PCDHA5: variants seen among roughly 807,000 people sequenced by gnomAD.
The protein encoded by PCDHA5 is protocadherin alpha 5.
A neutral mutation model predicts 61.6 loss-of-function variants in PCDHA5; 43 were observed. The ratio of observed to expected loss-of-function variants is 0.70; its 90% CI spans 0.55 to 0.90. PCDHA5 has a LOEUF of 0.90. Among genes scored for constraint, PCDHA5 ranks in the 40% least tolerant of loss-of-function variants. The probability of loss-of-function intolerance (pLI) is 0.00; values close to 1 mark genes in which losing one functional copy is unlikely to be tolerated. For synonymous variants in PCDHA5, 627 were observed against 543.9 expected, an observed-to-expected ratio of 1.15 and a Z score of -2.13; for missense variants, 1,298 against 1,222.7, an observed-to-expected ratio of 1.06 and a Z score of -0.92.
At chr5:140,913,299 T>A (rs2076283233) in intron 1 of PCDHA5, among the ~76,000 whole-genome samples, 1 of 152,196 alleles carries the variant, frequency 6.6e-6, no homozygotes, top group South Asian at 2.1e-4. Context: ...AATTTCTTCA[T>A]AGATCAACCT....
intron 1 of PCDHA5, chr5:140,857,046 G>A: frequency 6.3e-7 from 1 of 1,595,842 alleles, no homozygotes; most frequent in African/African-American, 1.3e-5. Context: ...GTTGGTCACT[G>A]CACGGTCCTA....
At chr5:140,838,873 C>T (rs1006134585) in intron 1 of PCDHA5, among the ~76,000 whole-genome samples, 8 of 151,796 alleles carry the variant, frequency 5.3e-5, no homozygotes, top group Non-Finnish European at 1.0e-4. Context: ...AGTTATCATG[C>T]CACTGAACTC....
At chr5:140,877,002 G>A (rs374546473) in intron 1 of PCDHA5, 96 of 1,612,426 alleles carry the variant, frequency 6.0e-5, no homozygotes, top group Non-Finnish European at 8.0e-5. Flanking sequence ...ACGTGTCGGT[G>A]CACGCGGAGA....
chr5:141,011,228 A>T lies in PCDHA5; in HGVS notation c.*1291A>T, dbSNP rs2098419864. 1 of 153,664 alleles carries T rather than the reference A, an allele frequency of 6.5e-6. No homozygotes were observed. The highest frequency in any genetic ancestry group is 1.5e-5 in the Non-Finnish European group (1 of 68,016). 9.5% of individuals were successfully genotyped at this position (153,664 alleles called of 1,614,324 possible). On this transcript the variant is annotated 3_prime_UTR_variant, in exon 4 of 4. Coordinates refer to ENST00000529859, the MANE Select transcript of PCDHA5 (RefSeq NM_018908.3). The stretch of plus-strand genomic sequence containing the variant: ...CAGTGAGCAGATTTTTCAATCTACT[A>T]ATTCTGTGACTTGTCTTGGTGTGCT...
intron 1 of PCDHA5, chr5:140,837,285 A>T (rs944502999): frequency 6.6e-6 from 1 of 151,990 alleles, no homozygotes; most frequent in Admixed American, 6.6e-5. Flanking sequence ...CTTCTTTTTA[A>T]CTTACTTTGT....
chr5:140,858,032 G>A lies in PCDHA5; in HGVS notation c.2352+33905G>A. 6.3e-7 allele frequency: 1 copy of A among 1,597,242 alleles called. No homozygotes were observed. The highest frequency in any genetic ancestry group is 8.6e-7 in the Non-Finnish European group (1 of 1,167,272). The stretch of plus-strand genomic sequence containing the variant: ...TGGCGAGCCGTCGCTGACGGCCACG[G>A]CCACTGTGCTTGTGTCGCTTGTGGA... On this transcript the variant is annotated intron_variant, in intron 1 of 3. Transcript: ENST00000529859.
chr5:140,928,795 G>T, intron 1 of PCDHA5: 1 of 1,614,152 alleles, frequency 6.2e-7, no homozygotes, highest in South Asian at 1.1e-5. Flanking sequence ...GCAGAGGGTG[G>T]TGGTAGTGGT....
chr5:140,887,941 A>C (rs529131971), intron 1 of PCDHA5, among the ~76,000 whole-genome samples: 25 of 152,194 alleles, frequency 1.6e-4, no homozygotes, highest in Admixed American at 7.8e-4. Flanking sequence ...TTTATTTCTT[A>C]TCTGTATAAG....
intron 1 of PCDHA5, chr5:140,866,969 G>A (rs533294537): frequency 6.6e-6 from 1 of 152,230 alleles, no homozygotes; most frequent in South Asian, 2.1e-4. Context: ...GGTGACATCT[G>A]AAATATCACA....
intron 3 of PCDHA5, among the ~76,000 whole-genome samples, chr5:141,003,556 A>G (rs1183434751): frequency 6.6e-6 from 1 of 152,034 alleles, no homozygotes; most frequent in Non-Finnish European, 1.5e-5. Flanking sequence ...CAAGTGATCC[A>G]CCTGCCTCAG....
rs1490925820 is a variant in PCDHA5, at chr5:140,842,691, A to G, written c.2352+18564A>G. On this transcript the variant is annotated intron_variant, in intron 1 of 3. Coordinates refer to ENST00000529859, the MANE Select transcript of PCDHA5 (RefSeq NM_018908.3). The stretch of plus-strand genomic sequence containing the variant: ...AACGACAATGCTCCGGCGTTCGCGC[A>G]GCCCGAGTACACGGTGTTCGTGAAG... The G allele has an allele frequency of 1.9e-6, 3 of 1,595,232 alleles. 1 individual carries two copies. Among genetic ancestry groups the G allele is most frequent in the Non-Finnish European group, 2.6e-6 (3 of 1,165,546 alleles).
At chr5:140,880,123 C>T (rs1315267493) in intron 1 of PCDHA5, among the ~76,000 whole-genome samples, 3 of 152,118 alleles carry the variant, frequency 2.0e-5, no homozygotes, top group African/African-American at 7.2e-5. Flanking sequence ...CAACAGGAAG[C>T]TGAAATAAAG....
chr5:140,836,021 C>T lies in PCDHA5; in HGVS notation c.2352+11894C>T, dbSNP rs2150250890. On this transcript the variant is annotated intron_variant, in intron 1 of 3. Transcript: ENST00000529859. ...GCGATGCGGGCGTGCCGCCTCTGGG[C>T]AGCAACGTGACGCTGCAGGTGTTCG... is the stretch of plus-strand genomic sequence containing the variant. The T allele has an allele frequency of 3.1e-6, 5 of 1,613,270 alleles. No homozygotes were observed. In the East Asian group the frequency reaches 8.9e-5, roughly 29 times the overall value.
chr5:140,831,464 A>G (rs1771535057), intron 1 of PCDHA5, among the ~76,000 whole-genome samples: 1 of 132,286 alleles, frequency 7.6e-6, no homozygotes, highest in Admixed American at 7.7e-5. Flanking sequence ...GGCTCAAGTG[A>G]TTCTCTCACC....
chr5:140,933,653 GTCTC>G (rs1245688430), intron 1 of PCDHA5, among the ~76,000 whole-genome samples: 3 of 151,982 alleles, frequency 2.0e-5, no homozygotes, highest in East Asian at 1.9e-4. Context: ...TGGAAATCCT[GTCTC>G]TCTCTCTGTC....
rs1554228541 is a variant in PCDHA5 at position 140,966,673 on chromosome 5, T to C, written c.2353-12276T>C. 2.3e-6 allele frequency: 3 copies of C among 1,290,056 alleles called. No homozygotes were observed. The African/African-American group carries it at 4.7e-5, about 20-fold the overall frequency. The allele number at this position is 1,290,056 out of a possible 1,614,324, so 79.9% of individuals were successfully genotyped here. A position where few individuals can be genotyped will look rare whatever the true frequency, so the allele number is the denominator to read the frequency against. On this transcript the variant is annotated intron_variant, in intron 1 of 3. Coordinates refer to ENST00000529859, the MANE Select transcript of PCDHA5 (RefSeq NM_018908.3). ...GAGCGGTGGGGGAGCAGGCGCAGGG[T>C]GGCACGAGCGGAGGCGGGGCCCGGG...
chr5:140,989,722 A>C (rs1472933877), intron 3 of PCDHA5, among the ~76,000 whole-genome samples: 1 of 152,224 alleles, frequency 6.6e-6, no homozygotes, highest in African/African-American at 2.4e-5. Context: ...TCAGCTTTGC[A>C]GTTGAAAAGG....
chr5:141,009,935 T>C lies in PCDHA5; in HGVS notation c.2809T>C (p.Ter937ArgextTer53). The change falls in exon 4 of 4, where the codon TGA (stop) becomes CGA (arginine). Residue 937 changes from the stop codon to arginine, a stop_lost. Coordinates refer to ENST00000529859, the MANE Select transcript of PCDHA5 (RefSeq NM_018908.3). ...CAGCACGACTGACAACAGTGACCAG[T>C]GAGGTCCTCAAATGGAAACAAGCCA... ...GNSTTDNSDQ[*>R] 1.2e-6 allele frequency: 2 copies of C among 1,602,416 alleles called. No homozygotes were observed. The highest frequency in any genetic ancestry group is 1.7e-6 in the Non-Finnish European group (2 of 1,176,054).
intron 1 of PCDHA5, among the ~76,000 whole-genome samples, chr5:140,879,506 A>T (rs1156992401): frequency 1.3e-5 from 2 of 152,224 alleles, no homozygotes; most frequent in Non-Finnish European, 2.9e-5. Context: ...CTCAGAAGAG[A>T]TTATTGATAT....
Sources: gnomAD v4.1 joint callset for allele counts (sites outside exome capture counted in the v4.1 genomes callset) on GRCh38, gnomAD v4.1.1 for gene constraint, MANE v1.5 for transcripts, NCBI Gene and HGNC (gene_info 2026-07-23, HGNC 2026-07-21) for gene names.